CAPN7: variants seen among roughly 807,000 people sequenced by gnomAD.
CAPN7 encodes calpain 7.
In CAPN7, 72 loss-of-function variants were observed where a neutral mutation model predicts 115.2. The observed-to-expected ratio is 0.63, with a 90% CI of 0.52 to 0.76. The LOEUF is 0.76. Ranked by LOEUF, CAPN7 falls within the 30% of genes least tolerant of loss-of-function variation. The pLI, the probability that CAPN7 is intolerant of heterozygous loss-of-function variation, is 0.00. For synonymous variants in CAPN7, 344 were observed against 322.3 expected, an observed-to-expected ratio of 1.07 and a Z score of -0.72; for missense variants, 905 against 971.5, an observed-to-expected ratio of 0.93 and a Z score of 0.91.
chr3:15,241,528 G>T lies in CAPN7; in HGVS notation c.1728G>T (p.Val576=), dbSNP rs1474926929. The T allele has an allele frequency of 1.2e-6, 2 of 1,614,000 alleles. No individual in the cohort carries two copies. The highest frequency in any genetic ancestry group is 8.5e-7 in the Non-Finnish European group (1 of 1,179,984). Reference sequence around the variant, plus strand: ...ACAACCCCCAGTACAAACTGGAGGTGCAGTGTCCACAGGGGGGTGCTGCAG... The same window carrying T: ...ACAACCCCCAGTACAAACTGGAGGTTCAGTGTCCACAGGGGGGTGCTGCAG... ...LANNPQYKLE[V]QCPQGGAAVW... Residue 576 remains valine (V), a synonymous_variant, in exon 15 of 21, where the codon GTG becomes GTT. Coordinates refer to ENST00000253693, the MANE Select transcript of CAPN7 (RefSeq NM_014296.3).
Position 15,232,683 on chromosome 3 carries a change from C to A in CAPN7, c.1179+18C>A. 2 of 1,581,334 alleles carry A rather than the reference C, an allele frequency of 1.3e-6. No homozygotes were observed. The highest frequency in any genetic ancestry group is 2.3e-5 in the South Asian group (2 of 85,698). ...CCAACTCCGTAAGTAATAGATAAGACGATCCAGACACAGATTTAAGCTATC... is the reference window on the plus strand; with the variant it reads ...CCAACTCCGTAAGTAATAGATAAGAAGATCCAGACACAGATTTAAGCTATC... On this transcript the variant is annotated intron_variant, in intron 10 of 20. Coordinates refer to ENST00000253693, the MANE Select transcript of CAPN7 (RefSeq NM_014296.3).
At chr3:15,242,032 T>C (rs767314666) in intron 15 of CAPN7, 146 bp from the exon 16 acceptor site, 63 of 632,028 alleles carry the variant, frequency 1.0e-4, no homozygotes, top group African/African-American at 2.8e-4. Flanking sequence ...ATGTTTCTTA[T>C]AGCACTAAAT....
Position 15,246,644 on chromosome 3 carries a change from A to AT in CAPN7, c.2011-81dup, listed in dbSNP as rs1460398416. The AT allele has an allele frequency of 5.2e-6, 5 of 970,082 alleles. No individual in the cohort carries two copies. The African/African-American group carries it at 6.5e-5, about 13-fold the overall frequency. The allele number at this position is 970,082 out of a possible 1,614,324, so 60.1% of individuals were successfully genotyped here. ...TATAATGACTTGTGTATGCCAACTG[A>AT]TTTTTTTAGTCTTCCAATATATTCA... On this transcript the variant is annotated intron_variant, in intron 17 of 20. Transcript: ENST00000253693.
chr3:15,234,098 C>T (rs1164404906), intron 11 of CAPN7, 125 bp downstream of exon 11: 7 of 544,566 alleles, frequency 1.3e-5, no homozygotes, highest in Admixed American at 7.6e-5. Flanking sequence ...GGCAGATGAC[C>T]TGAGTTTGGG....
intron 17 of CAPN7, 61 bp downstream of exon 17, chr3:15,245,732 C>T (rs1034670677): frequency 1.7e-5 from 23 of 1,379,320 alleles, no homozygotes; most frequent in Middle Eastern, 1.9e-4. Context: ...ATATGCTCTG[C>T]TTTGTAAGTG....
rs141928111 is a variant in CAPN7, at chr3:15,251,223, A to G, written c.2405A>G (p.Asn802Ser). ...KQEGPFFLDFNSIIPIKITQL... is the reference protein window; with the variant it reads ...KQEGPFFLDFSSIIPIKITQL... ...GAAGGACCTTTTTTCTTGGACTTTA[A>G]TAGTATTATCCCCATCAAGATCACA... The change falls in exon 21 of 21, where the codon AAT (asparagine) becomes AGT (serine). Residue 802 changes from asparagine to serine, a missense_variant. By Grantham distance (46) the Asn-to-Ser change is conservative. Coordinates refer to ENST00000253693, the MANE Select transcript of CAPN7 (RefSeq NM_014296.3). 20 of 1,610,808 alleles carry G rather than the reference A, an allele frequency of 1.2e-5. No individual in the cohort carries two copies. The highest frequency in any genetic ancestry group is 1.6e-5 in the Non-Finnish European group (19 of 1,178,820).
At position 15,240,472 on chromosome 3, in the gene CAPN7, G is replaced by T; in HGVS notation, c.1408-1G>T. The T allele has an allele frequency of 6.2e-7, 1 of 1,607,260 alleles. No homozygotes were observed. The highest frequency in any genetic ancestry group is 1.3e-5 in the African/African-American group (1 of 74,478). ...TTATCTCCTGTTTCTTTTTTATATA[G>T]GGGCTGCGATTTATCCAGTTGAAAA... On this transcript the variant is annotated splice_acceptor_variant, in intron 12 of 20. Coordinates refer to ENST00000253693, the MANE Select transcript of CAPN7 (RefSeq NM_014296.3). LOFTEE classifies it high-confidence loss of function.
At chr3:15,229,229 G>A (rs999893063) in intron 8 of CAPN7, among the ~76,000 whole-genome samples, 170 bp downstream of exon 8, 8 of 152,174 alleles carry the variant, frequency 5.3e-5, no homozygotes, top group African/African-American at 1.9e-4. Context: ...CGCTAAAACA[G>A]TCTTAAGAAC....
chr3:15,244,354 G>C (rs910260564), intron 16 of CAPN7, among the ~76,000 whole-genome samples: 1 of 152,080 alleles, frequency 6.6e-6, no homozygotes, highest in African/African-American at 2.4e-5. Flanking sequence ...CTTATGTATA[G>C]TGATTTTGCC....
At chr3:15,250,138 C>T (rs1695918031) in intron 19 of CAPN7, among the ~76,000 whole-genome samples, 1 of 150,962 alleles carries the variant, frequency 6.6e-6, no homozygotes, top group African/African-American at 2.4e-5. Context: ...TTTGGGAGGC[C>T]AATGTAGGAG....
At position 15,217,525 on chromosome 3, in the gene CAPN7, G is replaced by T; in HGVS notation, c.312G>T (p.Glu104Asp). The T allele has an allele frequency of 4.3e-6, 7 of 1,613,874 alleles. No individual in the cohort carries two copies. Among genetic ancestry groups the T allele is most frequent in the Non-Finnish European group, 5.9e-6 (7 of 1,179,880 alleles). The part of the protein sequence containing the change: ...VTQAFDEDEK[E>D]NVEDAIELYT... Reference sequence around the variant, plus strand: ...AAGCTTTTGATGAAGATGAAAAAGAGAATGTTGAAGATGCTATAGAATTGT... The same window carrying T: ...AAGCTTTTGATGAAGATGAAAAAGATAATGTTGAAGATGCTATAGAATTGT... The change falls in exon 3 of 21, where the codon GAG (glutamate) becomes GAT (aspartate). Residue 104 changes from glutamate (E) to aspartate (D), a missense_variant. Physicochemically the swap from Glu to Asp is conservative, Grantham distance 45. This residue lies in a region of CAPN7 where 271 missense variants were observed against 239.6 expected (regional missense o/e 1.13). Coordinates refer to ENST00000253693, the MANE Select transcript of CAPN7 (RefSeq NM_014296.3).
rs770962693 is a variant in CAPN7, at chr3:15,240,756, A to G, written c.1555A>G (p.Ile519Val). Residue 519 changes from isoleucine to valine, a missense_variant and splice_region_variant, in exon 14 of 21, where the codon ATA becomes GTA. Ile to Val is a conservative substitution (Grantham distance 29). Coordinates refer to ENST00000253693, the MANE Select transcript of CAPN7 (RefSeq NM_014296.3). ...PRTAQKIDNG[I>V]FWISWDDLCQ... ...TTAACAAAGATATTAATTTTCAGGA[A>G]TATTTTGGATTTCCTGGGATGATCT... is the stretch of plus-strand genomic sequence containing the variant. 1.9e-6 allele frequency: 3 copies of G among 1,601,100 alleles called. No individual in the cohort carries two copies. In the African/African-American group the frequency reaches 4.0e-5, roughly 22 times the overall value.
chr3:15,212,336 C>T (rs2045003917), intron 2 of CAPN7, 124 bp downstream of exon 2: 1 of 558,952 alleles, frequency 1.8e-6, no homozygotes, highest in African/African-American at 1.9e-5. Flanking sequence ...TGTTGCTGCT[C>T]ATTCCACTTT....
At chr3:15,208,414 A>G (rs1037009711) in intron 1 of CAPN7, among the ~76,000 whole-genome samples, 13 of 149,060 alleles carry the variant, frequency 8.7e-5, no homozygotes, top group African/African-American at 2.5e-5. Context: ...CAGTCTCCCA[A>G]TTGGTGGGAC....
intron 2 of CAPN7, among the ~76,000 whole-genome samples, chr3:15,216,619 A>G (rs958334246): frequency 2.6e-5 from 4 of 152,210 alleles, no homozygotes; most frequent in African/African-American, 9.6e-5. Flanking sequence ...GCTCAGGGTA[A>G]ATAGAAAAAG....
chr3:15,208,915 CTG>C (rs2044780274), intron 1 of CAPN7, among the ~76,000 whole-genome samples: 1 of 152,198 alleles, frequency 6.6e-6, no homozygotes, highest in South Asian at 2.1e-4. Context: ...TTTGATAATA[CTG>C]TACAATAGTA....
intron 16 of CAPN7, among the ~76,000 whole-genome samples, chr3:15,245,141 A>G (rs890518748): frequency 2.6e-5 from 4 of 151,498 alleles, no homozygotes; most frequent in African/African-American, 9.7e-5. Flanking sequence ...TTTAAACCTG[A>G]GTGGTGGGGA....
At chr3:15,235,471 A>G (rs1171105905) in intron 12 of CAPN7, among the ~76,000 whole-genome samples, 1 of 151,700 alleles carries the variant, frequency 6.6e-6, no homozygotes, top group African/African-American at 2.4e-5. Context: ...GATCAATCAC[A>G]GTGTTAAGCT....
intron 6 of CAPN7, among the ~76,000 whole-genome samples, chr3:15,227,503 T>C (rs1694389976): frequency 6.6e-6 from 1 of 152,220 alleles, no homozygotes; most frequent in Non-Finnish European, 1.5e-5. Flanking sequence ...CTAGGTCCTT[T>C]TGAATGAATC....
Sources: allele counts gnomAD v4.1 joint callset (sites outside exome capture counted in the v4.1 genomes callset), GRCh38; gene constraint gnomAD v4.1.1; regional missense constraint gnomAD v4.1.1; transcripts MANE v1.5; gene names NCBI Gene and HGNC (gene_info 2026-07-23, HGNC 2026-07-21).